The following LCORL variants were observed in gnomAD, a reference collection of about 807,000 sequenced individuals.
LCORL encodes the protein ligand-dependent nuclear receptor corepressor-like protein.
In LCORL, 41 loss-of-function variants were observed where a neutral mutation model predicts 141.8. That is an observed-to-expected ratio of 0.29 (90% CI 0.23 to 0.38). The LOEUF (loss-of-function observed/expected upper bound fraction) is 0.38, where lower values mean the gene tolerates loss of function less well. LCORL is among the 10% of genes least tolerant of loss of function. The pLI is 1.00. For missense variants in LCORL, 1,759 were observed against 2,035.0 expected (o/e 0.86, Z 2.61); for synonymous variants, 618 against 694.1 (o/e 0.89, Z 1.72).
exon 8 of LCORL, chr4:17,843,244 T>TAA: frequency 1.3e-6 from 2 of 1,552,608 alleles, no homozygotes; most frequent in South Asian, 2.4e-5. Context: ...GTTTTATTTA[T>TAA]AAATAAACTG....
chr4:17,941,010 A>G (rs1381147850), intron 4 of LCORL, among the ~76,000 whole-genome samples: 1 of 152,222 alleles, frequency 6.6e-6, no homozygotes, highest in Non-Finnish European at 1.5e-5. Context: ...ACAACCTGCC[A>G]AGCAAAATAA....
intron 7 of LCORL, among the ~76,000 whole-genome samples, chr4:17,862,899 ATAGAG>A (rs1725168528): frequency 6.6e-6 from 1 of 152,204 alleles, no homozygotes; most frequent in Admixed American, 6.5e-5. Context: ...TAAATTATCA[ATAGAG>A]TAAACAGACA....
chr4:17,936,688 T>C (rs1364405440), intron 4 of LCORL, among the ~76,000 whole-genome samples: 6 of 152,222 alleles, frequency 3.9e-5, no homozygotes, highest in Non-Finnish European at 7.4e-5. Flanking sequence ...TTCCTGAGTT[T>C]AGATATTTTA....
At chr4:17,889,169 T>C (rs1705183783) in intron 5 of LCORL, among the ~76,000 whole-genome samples, 1 of 152,082 alleles carries the variant, frequency 6.6e-6, no homozygotes, top group African/African-American at 2.4e-5. Flanking sequence ...GCACCAACTA[T>C]AGCGCATTTT....
Position 17,894,824 on chromosome 4 carries a change from T to C in LCORL, c.683-8663A>G, listed in dbSNP as rs78553407. Among the ~76,000 whole-genome samples, 758 of 152,160 alleles carry C rather than the reference T, an allele frequency of 5.0e-3. 6 individuals carry two copies. The highest frequency in any genetic ancestry group is 0.017 in the African/African-American group (717 of 41,538). Reference sequence around the variant, plus strand: ...CCTGACTATGCTTGAGAACCAGCGGTCTAATAATTGTTTAGATCCGTGTTC... The same window carrying C: ...CCTGACTATGCTTGAGAACCAGCGGCCTAATAATTGTTTAGATCCGTGTTC... On this transcript the variant is annotated intron_variant, in intron 5 of 7. Coordinates refer to ENST00000635767, the Ensembl canonical transcript of LCORL.
At chr4:17,854,386 TAAGAC>T (rs1278864842) in intron 7 of LCORL, among the ~76,000 whole-genome samples, 1 of 152,158 alleles carries the variant, frequency 6.6e-6, no homozygotes, top group Non-Finnish European at 1.5e-5. Flanking sequence ...TAGCAAAACA[TAAGAC>T]AATCAAAGAT....
chr4:17,848,602 C>T (rs182118718), intron 7 of LCORL, among the ~76,000 whole-genome samples: 12 of 152,344 alleles, frequency 7.9e-5, no homozygotes, highest in Admixed American at 3.3e-4. Flanking sequence ...GCGTGAGCGA[C>T]GCAGAAGACG....
chr4:17,877,833 T>C (rs1727081420), exon 7 of LCORL: 13 of 1,230,630 alleles, frequency 1.1e-5, no homozygotes, highest in Non-Finnish European at 1.0e-5. Flanking sequence ...AATTCCTCTA[T>C]TCACTACTGG....
At chr4:17,996,057 T>C (rs1196994475) in intron 1 of LCORL, among the ~76,000 whole-genome samples, 1 of 152,030 alleles carries the variant, frequency 6.6e-6, no homozygotes, top group Non-Finnish European at 1.5e-5. Context: ...CTTGAAAAAA[T>C]GTAATGCAAT....
intron 4 of LCORL, among the ~76,000 whole-genome samples, chr4:17,922,354 A>T (rs1171814672): frequency 6.6e-6 from 1 of 152,186 alleles, no homozygotes; most frequent in East Asian, 1.9e-4. Context: ...GAACTGTTTA[A>T]AGAGTTAGGT....
intron 1 of LCORL, among the ~76,000 whole-genome samples, chr4:17,974,144 T>C (rs1716499713): frequency 6.6e-6 from 1 of 152,088 alleles, no homozygotes; most frequent in Admixed American, 6.5e-5. Flanking sequence ...GAAGATACTC[T>C]ATTTTTCTGT....
chr4:18,020,790 T>G (rs997686631), intron 1 of LCORL: 1 of 151,936 alleles, frequency 6.6e-6, no homozygotes, highest in Non-Finnish European at 1.5e-5. Flanking sequence ...GTCCATCACA[T>G]GACAGTGAAA....
At chr4:17,864,702 G>A (rs6820810) in intron 7 of LCORL, among the ~76,000 whole-genome samples, 29,953 of 152,068 alleles carry the variant, frequency 0.2, 3,483 homozygotes, top group African/African-American at 0.32. Context: ...AGAGATTGTC[G>A]CACTGGATAC....
Position 18,021,730 on chromosome 4 carries a change from TTC to T in LCORL, c.20_21del (p.Arg7AsnfsTer47), listed in dbSNP as rs770151539. On this transcript the variant is annotated frameshift_variant, in exon 1 of 8. Transcript: ENST00000635767. LOFTEE classifies it high-confidence loss of function. The surrounding 1 kb of genome is among the most constrained non-coding windows in gnomAD (Gnocchi z 5.5). ...GCAGCAGCGGCGGCGGCAGCGGCCA[TTC>T]TCTCTCTTCCCTTGTCCATCTGCGT... 2.6e-6 allele frequency: 4 copies of T among 1,522,728 alleles called. No homozygotes were observed. Among genetic ancestry groups the T allele is most frequent in the Non-Finnish European group, 2.6e-6 (3 of 1,134,276 alleles). The allele number at this position is 1,522,728 out of a possible 1,614,324, so 94.3% of individuals were successfully genotyped here. A position where few individuals can be genotyped will look rare whatever the true frequency, so the allele number is the denominator to read the frequency against.
At chr4:17,966,749 T>C (rs1477947400) in intron 2 of LCORL, among the ~76,000 whole-genome samples, 2 of 152,208 alleles carry the variant, frequency 1.3e-5, no homozygotes, top group African/African-American at 4.8e-5. Flanking sequence ...TACCACTATA[T>C]ACCTGTTAGA....
At chr4:17,973,504 G>A (rs1716368634) in intron 1 of LCORL, among the ~76,000 whole-genome samples, 1 of 151,748 alleles carries the variant, frequency 6.6e-6, no homozygotes, top group African/African-American at 2.4e-5. Context: ...GGATATACTA[G>A]TTTTAAGATT....
At chr4:17,998,555 T>TC (rs1187221205) in intron 1 of LCORL, among the ~76,000 whole-genome samples, 2 of 152,142 alleles carry the variant, frequency 1.3e-5, no homozygotes, top group Non-Finnish European at 2.9e-5. Flanking sequence ...TAACATCTTG[T>TC]CCCACTGGAA....
chr4:17,925,797 G>T (rs112587869), intron 4 of LCORL, among the ~76,000 whole-genome samples: 3,326 of 150,784 alleles, frequency 0.022, 44 homozygotes, highest in African/African-American at 0.029. Flanking sequence ...TTTGAACCTG[G>T]GAGGTGGAGG....
chr4:17,990,887 T>C (rs2109775769), intron 1 of LCORL, among the ~76,000 whole-genome samples: 1 of 152,130 alleles, frequency 6.6e-6, no homozygotes, highest in East Asian at 1.9e-4. Flanking sequence ...TACTAAAAAG[T>C]CCACGATCCT....
Sources: allele counts gnomAD v4.1 joint callset (sites outside exome capture counted in the v4.1 genomes callset), GRCh38; gene constraint gnomAD v4.1.1; non-coding constraint Gnocchi (gnomAD v3.1); transcripts MANE v1.5; gene names NCBI Gene and HGNC (gene_info 2026-07-23, HGNC 2026-07-21).